Variants in NLGN4X observed in about 807,000 individuals in gnomAD.
The protein encoded by NLGN4X is neuroligin 4 X-linked, also known as neuroligin-4, X-linked.
In NLGN4X, 3 loss-of-function variants were observed where a neutral mutation model predicts 40.3. That is an observed-to-expected ratio of 0.07 (90% CI 0.03 to 0.19). NLGN4X has a LOEUF of 0.19. Among genes scored for constraint, NLGN4X ranks in the 10% least tolerant of loss-of-function variants. The probability of loss-of-function intolerance (pLI) is 1.00; values close to 1 mark genes in which losing one functional copy is unlikely to be tolerated. For missense variants in NLGN4X, 382 were observed against 708.3 expected, an observed-to-expected ratio of 0.54 and a Z score of 5.23; for synonymous variants, 270 against 306.8, an observed-to-expected ratio of 0.88 and a Z score of 1.25.
chrX:6,225,668 C>CTTTTTTT (rs1403379610), intron 1 of NLGN4X, among the ~76,000 whole-genome samples: 1 of 31,502 alleles, frequency 3.2e-5, no homozygotes, highest in Non-Finnish European at 7.6e-5. Flanking sequence ...TTTTCTTTTC[C>CTTTTTTT]TTTTTTTTCT....
chrX:5,933,254 A>T (rs1174712467), intron 3 of NLGN4X, among the ~76,000 whole-genome samples: 1 of 111,908 alleles, frequency 8.9e-6, no homozygotes, highest in East Asian at 2.8e-4. Flanking sequence ...AATATATGAA[A>T]TGCAAGCACA....
chrX:6,029,194 A>T (rs1160884720), intron 3 of NLGN4X, 86 bp downstream of exon 3: 4 of 1,035,632 alleles, frequency 3.9e-6, no homozygotes, highest in Non-Finnish European at 5.4e-6. Flanking sequence ...GAATAACAGG[A>T]TTCAAATCCA....
intron 3 of NLGN4X, among the ~76,000 whole-genome samples, chrX:5,921,448 C>CAGAGAG (rs1266708105): frequency 2.1e-5 from 1 of 47,059 alleles, no homozygotes; most frequent in Non-Finnish European, 4.3e-5. Context: ...GAGACAGAGA[C>CAGAGAG]AGAGAGAGAG....
chrX:5,955,846 AG>A (rs1196402041), intron 3 of NLGN4X, among the ~76,000 whole-genome samples: 1 of 109,195 alleles, frequency 9.2e-6, no homozygotes, highest in Non-Finnish European at 1.9e-5. Context: ...ATCCTGTATA[AG>A]ACCACACCAA....
chrX:5,923,175 C>T (rs1266966405), intron 3 of NLGN4X, among the ~76,000 whole-genome samples: 1 of 112,076 alleles, frequency 8.9e-6, no homozygotes, highest in African/African-American at 3.2e-5. Context: ...TGAAGTGGCG[C>T]CATCTCGGCT....
intron 1 of NLGN4X, chrX:6,226,631 C>T (rs904473019): frequency 4.4e-5 from 5 of 114,039 alleles, no homozygotes; most frequent in African/African-American, 1.6e-4. Flanking sequence ...GGACCCCAGC[C>T]TACCGGTTCT....
intron 1 of NLGN4X, among the ~76,000 whole-genome samples, chrX:6,204,558 A>G (rs763815808): frequency 8.9e-6 from 1 of 112,016 alleles, no homozygotes; most frequent in East Asian, 2.8e-4. Flanking sequence ...ACAGGAAGGA[A>G]TAAAACAGAA....
intron 3 of NLGN4X, among the ~76,000 whole-genome samples, chrX:5,990,865 G>A (rs182807478): frequency 2.7e-5 from 3 of 111,818 alleles, no homozygotes; most frequent in South Asian, 3.8e-4. Context: ...CAGGTAATAC[G>A]GCCCCACAGG....
At chrX:6,147,337 A>G (rs1446662283) in intron 2 of NLGN4X, among the ~76,000 whole-genome samples, 3 of 111,728 alleles carry the variant, frequency 2.7e-5, no homozygotes, top group African/African-American at 6.5e-5. Context: ...ATTTAATATG[A>G]TATCTTGTCT....
chrX:6,026,073 G>A (rs982385218), intron 3 of NLGN4X, among the ~76,000 whole-genome samples: 1 of 110,587 alleles, frequency 9.0e-6, no homozygotes, highest in Non-Finnish European at 1.9e-5. Context: ...CTGAGGAAAC[G>A]CTAGCTGACT....
At chrX:6,186,564 A>G (rs1402126026) in intron 1 of NLGN4X, among the ~76,000 whole-genome samples, 8 of 112,481 alleles carry the variant, frequency 7.1e-5, no homozygotes, top group Non-Finnish European at 1.5e-4. Flanking sequence ...GAGGAAAAAC[A>G]GGCAAAAAAG....
chrX:5,960,580 C>T (rs888302895), intron 3 of NLGN4X, among the ~76,000 whole-genome samples: 1 of 111,561 alleles, frequency 9.0e-6, no homozygotes, highest in African/African-American at 3.3e-5. Flanking sequence ...ATGCTGTTTT[C>T]TCTTACACAT....
chrX:5,899,602 T>G (rs1487121145), intron 5 of NLGN4X, among the ~76,000 whole-genome samples: 2 of 111,714 alleles, frequency 1.8e-5, no homozygotes, highest in Non-Finnish European at 3.8e-5. Flanking sequence ...TCGTGATGTC[T>G]TGGTAAAAGC....
intron 1 of NLGN4X, among the ~76,000 whole-genome samples, chrX:6,208,791 A>G (rs1338201653): frequency 2.7e-5 from 3 of 112,109 alleles, no homozygotes. Flanking sequence ...GGGAATGTAA[A>G]TTAGTATAAG....
intron 3 of NLGN4X, among the ~76,000 whole-genome samples, chrX:6,012,555 C>T (rs190099832): frequency 2.7e-5 from 3 of 111,394 alleles, no homozygotes; most frequent in East Asian, 2.8e-4. Flanking sequence ...GAGTGGGTTG[C>T]GTAATATCCT....
chrX:6,190,055 A>G (rs368062257), intron 1 of NLGN4X, among the ~76,000 whole-genome samples: 1 of 109,026 alleles, frequency 9.2e-6, no homozygotes, highest in East Asian at 2.9e-4. Context: ...CTGATCAATC[A>G]TTTTTCCAAG....
chrX:6,132,974 A>T (rs2039714334), intron 2 of NLGN4X, among the ~76,000 whole-genome samples: 1 of 111,765 alleles, frequency 8.9e-6, no homozygotes, highest in South Asian at 3.7e-4. Context: ...AAACATCTCT[A>T]AGGTGGTTCT....
At chrX:6,208,843 A>T (rs1226989315) in intron 1 of NLGN4X, among the ~76,000 whole-genome samples, 1 of 111,995 alleles carries the variant, frequency 8.9e-6, no homozygotes, top group Non-Finnish European at 1.9e-5. Context: ...AGAACTAAAA[A>T]TAGAACTACC....
intron 2 of NLGN4X, among the ~76,000 whole-genome samples, chrX:6,134,945 C>A (rs2039779056): frequency 8.8e-6 from 1 of 112,996 alleles, no homozygotes; most frequent in Non-Finnish European, 1.9e-5. Flanking sequence ...TCTTCCCAAA[C>A]TTTCACCCTG....
Sources: allele counts gnomAD v4.1 joint callset (sites outside exome capture counted in the v4.1 genomes callset), GRCh38; gene constraint gnomAD v4.1.1; transcripts MANE v1.5; gene names NCBI Gene and HGNC (gene_info 2026-07-23, HGNC 2026-07-21).